DENND1A: variants seen among roughly 807,000 people sequenced by gnomAD.
The protein encoded by DENND1A is DENN domain-containing protein 1A.
DENND1A carries 51 observed loss-of-function variants against 113.7 expected under a neutral mutation model. The observed-to-expected ratio is 0.45, with a 90% confidence interval of 0.36 to 0.57. The LOEUF is 0.57. Ranked by LOEUF, DENND1A falls within the 20% of genes least tolerant of loss-of-function variation. The pLI is 0.00. For synonymous variants in DENND1A, 565 were observed against 570.8 expected (o/e 0.99, Z 0.14); for missense variants, 1,258 against 1,395.9 (o/e 0.90, Z 1.57).
At chr9:123,882,940 T>C (rs2075246238) in intron 1 of DENND1A, among the ~76,000 whole-genome samples, 1 of 152,132 alleles carries the variant, frequency 6.6e-6, no homozygotes, top group African/African-American at 2.4e-5. Context: ...GCCTACAAAG[T>C]CCTACATGAT....
chr9:123,518,573 T>C (rs1290058734), intron 13 of DENND1A, among the ~76,000 whole-genome samples: 1 of 152,140 alleles, frequency 6.6e-6, no homozygotes, highest in Admixed American at 6.5e-5. Context: ...AACTTTCTTA[T>C]TTGCAAAGGG....
chr9:123,550,418 C>T (rs12684985), intron 13 of DENND1A, among the ~76,000 whole-genome samples: 3,861 of 152,330 alleles, frequency 0.025, 101 homozygotes, highest in African/African-American at 0.073. Context: ...TCTACACTGG[C>T]CTTTCCACAG....
intron 10 of DENND1A, among the ~76,000 whole-genome samples, chr9:123,610,992 A>G (rs1413285195): frequency 6.6e-6 from 1 of 152,264 alleles, no homozygotes; most frequent in African/African-American, 2.4e-5. Flanking sequence ...TTCTTTCCCC[A>G]GAATATAAAA....
chr9:123,388,826 G>T (rs4836921), intron 21 of DENND1A, among the ~76,000 whole-genome samples: 4,399 of 152,298 alleles, frequency 0.029, 241 homozygotes, highest in East Asian at 0.17. Flanking sequence ...CTTGTGCTGG[G>T]GAGTAGGTGT....
At chr9:123,757,322 C>G (rs1336532248) in intron 5 of DENND1A, among the ~76,000 whole-genome samples, 1 of 152,158 alleles carries the variant, frequency 6.6e-6, no homozygotes, top group Non-Finnish European at 1.5e-5. Context: ...GCAAGATGTC[C>G]TGAGCTACAG....
intron 12 of DENND1A, among the ~76,000 whole-genome samples, chr9:123,568,529 C>T (rs2058177998): frequency 6.6e-6 from 1 of 152,204 alleles, no homozygotes; most frequent in Non-Finnish European, 1.5e-5. Flanking sequence ...TATTCTAGGG[C>T]ATCAATTACT....
intron 5 of DENND1A, among the ~76,000 whole-genome samples, chr9:123,734,378 C>T (rs898542042): frequency 6.6e-6 from 1 of 151,908 alleles, no homozygotes; most frequent in African/African-American, 2.4e-5. Flanking sequence ...AATATTGCAA[C>T]TAATTGTTTA....
intron 20 of DENND1A, 28 bp from the exon 21 acceptor site, chr9:123,403,518 A>G (rs1364865402): frequency 6.2e-7 from 1 of 1,602,326 alleles, no homozygotes; most frequent in South Asian, 1.1e-5. Flanking sequence ...GGAGAGCCCC[A>G]AGAAGGAGTG....
chr9:123,511,685 G>GCTAGC (rs2053473757), intron 13 of DENND1A, among the ~76,000 whole-genome samples: 1 of 152,184 alleles, frequency 6.6e-6, no homozygotes, highest in Admixed American at 6.5e-5. Context: ...CGTGACTGAT[G>GCTAGC]CTAGTATTTG....
At chr9:123,738,929 G>T (rs1225573412) in intron 5 of DENND1A, among the ~76,000 whole-genome samples, 1 of 152,146 alleles carries the variant, frequency 6.6e-6, no homozygotes, top group Non-Finnish European at 1.5e-5. Context: ...TTACTCAAAC[G>T]ATGGAACCTG....
chr9:123,673,292 A>G (rs2063854623), intron 6 of DENND1A, among the ~76,000 whole-genome samples: 1 of 152,144 alleles, frequency 6.6e-6, no homozygotes, highest in Non-Finnish European at 1.5e-5. Context: ...TATTTATTTT[A>G]CCATGGGTCC....
intron 13 of DENND1A, among the ~76,000 whole-genome samples, chr9:123,505,616 C>T (rs916555716): frequency 6.6e-6 from 1 of 152,130 alleles, no homozygotes; most frequent in South Asian, 2.1e-4. Context: ...GGAATGAAAT[C>T]TTTATTTTAA....
At chr9:123,891,667 T>C (rs1419326001) in intron 1 of DENND1A, among the ~76,000 whole-genome samples, 1 of 152,162 alleles carries the variant, frequency 6.6e-6, no homozygotes, top group Admixed American at 6.5e-5. Flanking sequence ...TCAGATACCA[T>C]CTTATACCGG....
rs140570263 is a variant in DENND1A at position 123,720,693 on chromosome 9, G to C, written c.302+37010C>G. 9.1e-3 allele frequency among the ~76,000 whole-genome samples: 1,386 copies of C among 152,276 alleles called. 81 individuals are homozygous for C. The highest frequency in any genetic ancestry group is 0.08 in the Admixed American group (1,218 of 15,300). ...TCATTGCCAACACTGTCTCTTATGG[G>C]TTGGGCCATGATTATTTGCAGCTGA... On this transcript the variant is annotated intron_variant, in intron 5 of 23. Coordinates refer to ENST00000394215, the MANE Select transcript of DENND1A (RefSeq NM_001352964.2).
chr9:123,884,855 A>G (rs913734700), intron 1 of DENND1A, among the ~76,000 whole-genome samples: 5 of 152,074 alleles, frequency 3.3e-5, no homozygotes, highest in East Asian at 1.9e-4. Context: ...CCACTTCACT[A>G]TTCTACATTA....
At chr9:123,696,810 T>C (rs899381064) in intron 5 of DENND1A, among the ~76,000 whole-genome samples, 1 of 152,214 alleles carries the variant, frequency 6.6e-6, no homozygotes, top group Non-Finnish European at 1.5e-5. Context: ...GGATAGAGCG[T>C]GTTCCTTTCT....
At chr9:123,452,460 A>C (rs1478059756) in intron 16 of DENND1A, 113 bp from the exon 17 acceptor site, 14 of 844,932 alleles carry the variant, frequency 1.7e-5, no homozygotes, top group Admixed American at 2.0e-5. Context: ...ATGTAAATGC[A>C]CATCGAGAAA....
At chr9:123,415,973 A>G (rs2044695610) in intron 19 of DENND1A, among the ~76,000 whole-genome samples, 1 of 152,062 alleles carries the variant, frequency 6.6e-6, no homozygotes, top group South Asian at 2.1e-4. Flanking sequence ...TTGGGTGGGA[A>G]GAGGGGGTAA....
intron 2 of DENND1A, among the ~76,000 whole-genome samples, chr9:123,820,673 C>T (rs777408870): frequency 2.0e-5 from 3 of 152,098 alleles, no homozygotes; most frequent in African/African-American, 4.8e-5. Context: ...CTTTTTGGTA[C>T]TGACAACTAA....
Sources: allele counts gnomAD v4.1 joint callset (sites outside exome capture counted in the v4.1 genomes callset), GRCh38; gene constraint gnomAD v4.1.1; transcripts MANE v1.5; gene names NCBI Gene and HGNC (gene_info 2026-07-23, HGNC 2026-07-21).